ANAPC2: variants seen among roughly 807,000 people sequenced by gnomAD.
The protein encoded by ANAPC2 is anaphase promoting complex subunit 2.
A neutral mutation model predicts 84.3 loss-of-function variants in ANAPC2; 29 were observed. The ratio of observed to expected loss-of-function variants is 0.34; its 90% CI spans 0.26 to 0.47. The LOEUF (loss-of-function observed/expected upper bound fraction) is 0.47. ANAPC2 is among the 20% of genes least tolerant of loss of function. The probability of loss-of-function intolerance (pLI) is 1.00; values close to 1 mark genes in which losing one functional copy is unlikely to be tolerated. For synonymous variants in ANAPC2, 571 were observed against 479.4 expected (o/e 1.19, Z -2.50); for missense variants, 857 against 1,131.7 (o/e 0.76, Z 3.48).
chr9:137,184,845 G>T, intron 4 of ANAPC2, 68 bp downstream of exon 4: 3 of 1,570,062 alleles, frequency 1.9e-6, no homozygotes, highest in South Asian at 1.2e-5. Context: ...ACACAGAGGA[G>T]ACACGGGGAA....
chr9:137,183,886 C>T, intron 4 of ANAPC2, 95 bp from the exon 5 acceptor site: 1 of 1,526,566 alleles, frequency 6.6e-7, no homozygotes, highest in Non-Finnish European at 8.9e-7. Context: ...AGGACACGTG[C>T]TTGCCAGCCC....
intron 10 of ANAPC2, among the ~76,000 whole-genome samples, chr9:137,177,239 C>T (rs565553308): frequency 3.9e-5 from 6 of 152,320 alleles, no homozygotes; most frequent in African/African-American, 9.6e-5. Flanking sequence ...CCAAGGCTGA[C>T]GGAGCAGGGG....
At chr9:137,186,129 C>T in intron 3 of ANAPC2, 95 bp downstream of exon 3, 2 of 1,545,836 alleles carry the variant, frequency 1.3e-6, no homozygotes, top group Non-Finnish European at 1.8e-6. Flanking sequence ...ACCCAGGCCT[C>T]CGTGCTCTGG....
intron 3 of ANAPC2, among the ~76,000 whole-genome samples, chr9:137,185,345 C>T (rs1397055489): frequency 6.6e-6 from 1 of 152,240 alleles, no homozygotes; most frequent in Non-Finnish European, 1.5e-5. Flanking sequence ...GCAGCAGCAA[C>T]CCTAGCGTGA....
Position 137,187,387 on chromosome 9 carries a change from G to A in ANAPC2, c.740+94C>T, listed in dbSNP as rs1041192098. The A allele has an allele frequency of 4.1e-5, 60 of 1,473,838 alleles. No individual in the cohort carries two copies. In the Middle Eastern group the frequency reaches 6.5e-4, roughly 16 times the overall value. 91.3% of individuals were successfully genotyped at this position (1,473,838 alleles called of 1,614,324 possible). ...CTGTCATGTTCCTGGTTATCAGGAC[G>A]GCTCACCAGCTTTCTGCTGAGGCCA... On this transcript the variant is annotated intron_variant, in intron 2 of 12. Coordinates refer to ENST00000323927, the MANE Select transcript of ANAPC2 (RefSeq NM_013366.4).
Position 137,187,770 on chromosome 9 carries a change from C to A in ANAPC2, c.451G>T (p.Glu151Ter). Residue 151 changes from glutamate (E) to a stop codon, truncating the protein, a stop_gained, in exon 2 of 13, where the codon GAA (glutamate) becomes TAA (stop). Transcript: ENST00000323927. LOFTEE classifies it high-confidence loss of function. ...CCGCGCAACATAGTGTGGACTTCTT[C>A]TCGCAGCCCCTGAGCACCAGTGCCC... ...LMGTGAQGLR[E>*]EVHTMLRGVL... is the part of the protein sequence containing the mutation. 1 of 1,613,722 alleles carries A rather than the reference C, an allele frequency of 6.2e-7. No individual in the cohort carries two copies. The highest frequency in any genetic ancestry group is 8.5e-7 in the Non-Finnish European group (1 of 1,180,036).
Position 137,186,459 on chromosome 9 carries a change from C to G in ANAPC2, c.741-103G>C, listed in dbSNP as rs1181073440. ...TGCCCTGCCTGTAGAGTGCATGCAG[C>G]ACACACACACACACACACCCAGCAC... On this transcript the variant is annotated intron_variant, in intron 2 of 12. Coordinates refer to ENST00000323927, the MANE Select transcript of ANAPC2 (RefSeq NM_013366.4). 9.2e-5 allele frequency: 77 copies of G among 833,016 alleles called. No homozygotes were observed. In the South Asian group the frequency reaches 1.5e-3, roughly 17 times the overall value. 51.6% of individuals were successfully genotyped at this position (833,016 alleles called of 1,614,324 possible). A position where few individuals can be genotyped will look rare whatever the true frequency, so the allele number is the denominator to read the frequency against.
Position 137,174,910 on chromosome 9 carries a change from C to CCTGG in ANAPC2, c.*28_*31dup. ...GGACGAGAGCACCTGCAGGGCAGCG[C>CCTGG]CTGGCGGGCGGGCGGGCGGGCGGGC... On this transcript the variant is annotated 3_prime_UTR_variant, in exon 13 of 13. Coordinates refer to ENST00000323927, the MANE Select transcript of ANAPC2 (RefSeq NM_013366.4). This position sits in a 1 kb window ranked among gnomAD's most constrained non-coding sequence, Gnocchi z 6.1. The CCTGG allele has an allele frequency of 1.2e-6, 1 of 804,998 alleles. No individual in the cohort carries two copies. Among genetic ancestry groups the CCTGG allele is most frequent in the South Asian group, 1.6e-5 (1 of 64,132 alleles). The allele number at this position is 804,998 out of a possible 1,614,324, so 49.9% of individuals were successfully genotyped here.
chr9:137,182,467 C>A (rs552946638), intron 6 of ANAPC2, among the ~76,000 whole-genome samples: 16 of 152,136 alleles, frequency 1.1e-4, no homozygotes, highest in South Asian at 1.0e-3. Context: ...AGAGATCGTG[C>A]CACTGCACTC....
rs372193288 is a variant in ANAPC2 at position 137,183,248 on chromosome 9, G to A, written c.1169-6C>T. ...GATGTCACACGTGTTGACGCCTACA[G>A]CCAGGGCAGAAGCCAGCAGTCATGC... On this transcript the variant is annotated splice_region_variant and splice_polypyrimidine_tract_variant and intron_variant, in intron 5 of 12. Coordinates refer to ENST00000323927, the MANE Select transcript of ANAPC2 (RefSeq NM_013366.4). 3.1e-6 allele frequency: 5 copies of A among 1,610,016 alleles called. No individual in the cohort carries two copies. In the African/African-American group the frequency reaches 6.7e-5, roughly 22 times the overall value.
chr9:137,181,438 C>T (rs959765347), intron 7 of ANAPC2, among the ~76,000 whole-genome samples: 2 of 152,172 alleles, frequency 1.3e-5, no homozygotes, highest in African/African-American at 4.8e-5. Flanking sequence ...AGCTCACAAG[C>T]GGTGGGAGGC....
chr9:137,183,615 G>T, intron 5 of ANAPC2, 57 bp downstream of exon 5: 1 of 1,569,864 alleles, frequency 6.4e-7, no homozygotes, highest in Non-Finnish European at 8.6e-7. Context: ...CCTGGACATG[G>T]GTCCCCTGGT....
chr9:137,179,469 T>C (rs1050966488), intron 10 of ANAPC2, among the ~76,000 whole-genome samples: 1 of 152,222 alleles, frequency 6.6e-6, no homozygotes, highest in Non-Finnish European at 1.5e-5. Flanking sequence ...CCTCAGGCTC[T>C]GGACGCCTGT....
In ANAPC2 at chr9:137,181,984, T is replaced by C. The variant is rs1834353244; in HGVS notation, c.1287-122A>G. ...CCGACCCTGCCTCTACACTCAGTGG[T>C]GATGGGCTATGTACTAAACACAGGC... On this transcript the variant is annotated intron_variant, in intron 6 of 12. Coordinates refer to ENST00000323927, the MANE Select transcript of ANAPC2 (RefSeq NM_013366.4). The C allele has an allele frequency of 1.7e-5, 18 of 1,059,830 alleles. 1 individual carries two copies. In the South Asian group the frequency reaches 2.6e-4, roughly 15 times the overall value. The allele number at this position is 1,059,830 out of a possible 1,614,324, so 65.7% of individuals were successfully genotyped here.
At chr9:137,184,163 C>T (rs1469513482) in intron 4 of ANAPC2, among the ~76,000 whole-genome samples, 2 of 152,240 alleles carry the variant, frequency 1.3e-5, no homozygotes, top group African/African-American at 2.4e-5. Flanking sequence ...AGAGCGACAG[C>T]GAAGGCACAG....
intron 10 of ANAPC2, chr9:137,176,826 T>A (rs1389847014): frequency 6.6e-6 from 1 of 152,270 alleles, no homozygotes; most frequent in Non-Finnish European, 1.5e-5. Context: ...GACATCAAGC[T>A]GAGATTTCCA....
At chr9:137,178,266 C>T (rs1834266002) in intron 10 of ANAPC2, among the ~76,000 whole-genome samples, 1 of 152,332 alleles carries the variant, frequency 6.6e-6, no homozygotes, top group African/African-American at 2.4e-5. Flanking sequence ...TCAGGGGTGA[C>T]GCTGTGGGCT....
chr9:137,183,900 G>T, intron 4 of ANAPC2, 109 bp from the exon 5 acceptor site: 1 of 1,467,648 alleles, frequency 6.8e-7, no homozygotes, highest in Non-Finnish European at 9.2e-7. Flanking sequence ...CCAGCCCCAG[G>T]ACGATGATGA....
chr9:137,186,398 C>T (rs895274494), intron 2 of ANAPC2, 42 bp from the exon 3 acceptor site: 2 of 1,553,282 alleles, frequency 1.3e-6, no homozygotes, highest in African/African-American at 2.7e-5. Context: ...GAGCACACAC[C>T]GGCCCCTCTA....
Sources: gnomAD v4.1 joint callset for allele counts (sites outside exome capture counted in the v4.1 genomes callset) on GRCh38, gnomAD v4.1.1 for gene constraint, Gnocchi (gnomAD v3.1) non-coding constraint, MANE v1.5 for transcripts, NCBI Gene and HGNC (gene_info 2026-07-23, HGNC 2026-07-21) for gene names.